Variants in IL1RAPL2 observed in about 807,000 individuals in gnomAD.
IL1RAPL2 encodes the protein interleukin 1 receptor accessory protein like 2.
In IL1RAPL2, 3 loss-of-function variants were observed where a neutral mutation model predicts 44.1. The ratio of observed to expected loss-of-function variants is 0.07; its 90% CI spans 0.03 to 0.18. The LOEUF (loss-of-function observed/expected upper bound fraction) is 0.18, where lower values mean the gene tolerates loss of function less well. Among genes scored for constraint, IL1RAPL2 ranks in the 10% least tolerant of loss-of-function variants. IL1RAPL2 has a pLI of 1.00. For synonymous variants in IL1RAPL2, 181 were observed against 178.8 expected (o/e 1.01, Z -0.10); for missense variants, 391 against 496.4 (o/e 0.79, Z 2.02).
chrX:104,828,052 T>G (rs1171002538), intron 2 of IL1RAPL2, among the ~76,000 whole-genome samples: 1 of 111,873 alleles, frequency 8.9e-6, no homozygotes, highest in Non-Finnish European at 1.9e-5. Context: ...TTCTTAGCTT[T>G]CTTGCATTGG....
At chrX:105,720,659 G>C (rs990107257) in intron 7 of IL1RAPL2, among the ~76,000 whole-genome samples, 8 of 110,901 alleles carry the variant, frequency 7.2e-5, no homozygotes, top group Non-Finnish European at 1.5e-4. Context: ...AAATCTGCTA[G>C]GAACATTCAT....
At chrX:105,495,118 A>C (rs2036348359) in intron 6 of IL1RAPL2, among the ~76,000 whole-genome samples, 1 of 112,525 alleles carries the variant, frequency 8.9e-6, no homozygotes, top group Admixed American at 9.4e-5. Context: ...CAATGGTACT[A>C]AACCTGTAAG....
At chrX:105,549,164 G>A (rs1194690194) in intron 6 of IL1RAPL2, among the ~76,000 whole-genome samples, 1 of 111,847 alleles carries the variant, frequency 8.9e-6, no homozygotes, top group Non-Finnish European at 1.9e-5. Flanking sequence ...TGAGGTGTGT[G>A]TATGTGTATA....
At chrX:105,615,970 AAAAATT>A (rs749227043) in intron 6 of IL1RAPL2, among the ~76,000 whole-genome samples, 22 of 111,876 alleles carry the variant, frequency 2.0e-4, no homozygotes, top group African/African-American at 6.5e-4. Flanking sequence ...ATGTACCCAC[AAAAATT>A]AAAATTAAAT....
At chrX:105,332,273 G>A (rs1237953714) in intron 5 of IL1RAPL2, among the ~76,000 whole-genome samples, 3 of 109,957 alleles carry the variant, frequency 2.7e-5, no homozygotes, top group African/African-American at 9.9e-5. Flanking sequence ...ATTTGTTGCT[G>A]GTCCCCAACA....
intron 2 of IL1RAPL2, among the ~76,000 whole-genome samples, chrX:105,041,090 G>A (rs1479124244): frequency 9.6e-5 from 10 of 104,253 alleles, no homozygotes; most frequent in Non-Finnish European, 1.2e-4. Flanking sequence ...CTTTGTTCTC[G>A]TTGGTTTCAA....
At chrX:105,096,481 G>C (rs1411428999) in intron 2 of IL1RAPL2, among the ~76,000 whole-genome samples, 9 of 112,561 alleles carry the variant, frequency 8.0e-5, no homozygotes, top group African/African-American at 2.9e-4. Flanking sequence ...TAAATAAAAT[G>C]TGTTATAACC....
chrX:104,943,858 C>G (rs1383892026), intron 2 of IL1RAPL2, among the ~76,000 whole-genome samples: 1 of 112,140 alleles, frequency 8.9e-6, no homozygotes, highest in African/African-American at 3.2e-5. Context: ...CTAGTTTGTT[C>G]TCTTTATGTA....
chrX:105,291,722 G>A (rs1366079261), intron 5 of IL1RAPL2, among the ~76,000 whole-genome samples: 1 of 110,867 alleles, frequency 9.0e-6, no homozygotes, highest in African/African-American at 3.3e-5. Flanking sequence ...ATATTCTGTT[G>A]GATGTAATAG....
intron 7 of IL1RAPL2, among the ~76,000 whole-genome samples, chrX:105,737,060 T>G (rs1447463874): frequency 9.0e-6 from 1 of 111,059 alleles, no homozygotes; most frequent in Non-Finnish European, 1.9e-5. Flanking sequence ...AAAAAAAGAA[T>G]GAGATCATGT....
At chrX:104,723,036 G>A (rs1412674429) in intron 2 of IL1RAPL2, among the ~76,000 whole-genome samples, 3 of 111,146 alleles carry the variant, frequency 2.7e-5, no homozygotes, top group Non-Finnish European at 5.7e-5. Flanking sequence ...TGCTATGGTA[G>A]GATGGTCATC....
intron 5 of IL1RAPL2, among the ~76,000 whole-genome samples, chrX:105,271,835 CTGTT>C (rs1238044637): frequency 5.6e-5 from 6 of 107,742 alleles, no homozygotes; most frequent in African/African-American, 2.0e-4. Context: ...ATTTGGCTCT[CTGTT>C]TGTCTGTTGT....
intron 2 of IL1RAPL2, among the ~76,000 whole-genome samples, chrX:104,775,387 T>C (rs188675053): frequency 2.1e-4 from 24 of 111,941 alleles, no homozygotes; most frequent in Middle Eastern, 4.7e-3. Context: ...ATAAAAATAG[T>C]AATAGGGAAA....
intron 5 of IL1RAPL2, among the ~76,000 whole-genome samples, chrX:105,449,453 G>A (rs1431392874): frequency 5.4e-5 from 6 of 110,913 alleles, no homozygotes; most frequent in Admixed American, 2.9e-4. Flanking sequence ...GCATGGTGGC[G>A]GGCTCCTGTA....
chrX:104,909,299 G>A (rs944053441), intron 2 of IL1RAPL2, among the ~76,000 whole-genome samples: 12 of 111,302 alleles, frequency 1.1e-4, no homozygotes, highest in Admixed American at 3.8e-4. Flanking sequence ...ATGTCCTCCC[G>A]TAGCTCAGAG....
chrX:105,761,894 T>A (rs952436183), intron 10 of IL1RAPL2, among the ~76,000 whole-genome samples: 1 of 112,145 alleles, frequency 8.9e-6, no homozygotes, highest in Non-Finnish European at 1.9e-5. Context: ...ACAAAAATAA[T>A]TTATAAGGAG....
At chrX:105,217,213 G>A (rs782670975) in intron 3 of IL1RAPL2, among the ~76,000 whole-genome samples, 243 of 109,375 alleles carry the variant, frequency 2.2e-3, no homozygotes, top group Non-Finnish European at 3.5e-3. Flanking sequence ...ATCTGACAAA[G>A]GGCTAATATC....
intron 2 of IL1RAPL2, among the ~76,000 whole-genome samples, chrX:105,000,970 T>C (rs1054561717): frequency 8.9e-6 from 1 of 111,822 alleles, no homozygotes; most frequent in Non-Finnish European, 1.9e-5. Flanking sequence ...ATCTGGTTCC[T>C]AATCAGAGGA....
At chrX:105,564,324 A>G (rs911289459) in intron 6 of IL1RAPL2, among the ~76,000 whole-genome samples, 12 of 111,897 alleles carry the variant, frequency 1.1e-4, no homozygotes, top group Non-Finnish European at 2.3e-4. Context: ...AGGAATTGGC[A>G]TGTGTAGTTT....
Sources: gnomAD v4.1 joint callset for allele counts (sites outside exome capture counted in the v4.1 genomes callset) on GRCh38, gnomAD v4.1.1 for gene constraint, MANE v1.5 for transcripts, NCBI Gene and HGNC (gene_info 2026-07-23, HGNC 2026-07-21) for gene names.